Variants in MS4A8 observed in about 807,000 individuals in gnomAD.
MS4A8 encodes membrane-spanning 4-domains subfamily A member 8.
A neutral mutation model predicts 23.7 loss-of-function variants in MS4A8; 27 were observed. The ratio of observed to expected loss-of-function variants is 1.14; its 90% CI spans 0.84 to 1.57. The LOEUF is 1.57. MS4A8 is among the 40% of genes most tolerant of loss of function. MS4A8 has a pLI of 0.00. For synonymous variants in MS4A8, 138 were observed against 126.3 expected (o/e 1.09, Z -0.62); for missense variants, 301 against 311.4 (o/e 0.97, Z 0.25).
intron 2 of MS4A8, 49 bp from the exon 3 acceptor site, chr11:60,703,329 C>A: frequency 6.7e-7 from 1 of 1,482,182 alleles, no homozygotes; most frequent in Non-Finnish European, 8.9e-7. Flanking sequence ...ATAGGGGAGG[C>A]AGGACCCAGC....
At position 60,700,969 on chromosome 11, in the gene MS4A8, C is replaced by G. The variant is rs1490066290; in HGVS notation, c.109C>G (p.Pro37Ala). 6.2e-7 allele frequency: 1 copy of G among 1,614,090 alleles called. No individual in the cohort carries two copies. Among genetic ancestry groups the G allele is most frequent in the Non-Finnish European group, 8.5e-7 (1 of 1,180,044 alleles). The stretch of plus-strand genomic sequence containing the variant: ...AATTATGTCTCACGTGCCCCTGTAT[C>G]CAAACAGCCAGCCGCAAGTCCACCT... ...PGIMSHVPLY[P>A]NSQPQVHLVP... Residue 37 changes from proline (P) to alanine (A), a missense_variant, in exon 2 of 7, where the codon CCA (proline) becomes GCA (alanine). Coordinates refer to ENST00000300226, the MANE Select transcript of MS4A8 (RefSeq NM_031457.2).
Position 60,713,403 on chromosome 11 carries a change from G to A in MS4A8, c.535-1618G>A, listed in dbSNP as rs546227011. On this transcript the variant is annotated intron_variant, in intron 5 of 6. Coordinates refer to ENST00000300226, the MANE Select transcript of MS4A8 (RefSeq NM_031457.2). ...GGGCATGGGTAATAGGATAATAGTGGAGAGAAGGTCAGAAGGTAAACACGT... is the reference window on the plus strand; with the variant it reads ...GGGCATGGGTAATAGGATAATAGTGAAGAGAAGGTCAGAAGGTAAACACGT... Among the ~76,000 whole-genome samples, 3 of 152,188 alleles carry A rather than the reference G, an allele frequency of 2.0e-5. No individual in the cohort carries two copies. In the East Asian group the frequency reaches 5.8e-4, roughly 29 times the overall value.
chr11:60,702,559 T>C (rs1281992050), intron 2 of MS4A8, among the ~76,000 whole-genome samples: 1 of 152,194 alleles, frequency 6.6e-6, no homozygotes, highest in Non-Finnish European at 1.5e-5. Flanking sequence ...CCCACCATCA[T>C]GCCGAGCTAG....
chr11:60,710,702 T>C (rs945164107), intron 5 of MS4A8, among the ~76,000 whole-genome samples: 7 of 152,168 alleles, frequency 4.6e-5, no homozygotes, highest in African/African-American at 1.7e-4. Context: ...ACTTCTCTGC[T>C]GGCATCTTAC....
chr11:60,708,690 G>T lies in MS4A8; in HGVS notation c.443G>T (p.Cys148Phe). The T allele has an allele frequency of 1.3e-6, 2 of 1,596,086 alleles. No homozygotes were observed. Among genetic ancestry groups the T allele is most frequent in the Non-Finnish European group, 1.7e-6 (2 of 1,172,392 alleles). ...SLGLNIVSAI[C>F]SAVGVILFIT... ...GGCTTGAACATCGTCAGTGCAATCT[G>T]CTCTGCAGTTGGAGTCATACTCTTC... Residue 148 changes from cysteine to phenylalanine, a missense_variant, in exon 5 of 7, where the codon TGC becomes TTC. By Grantham distance (205) the Cys-to-Phe change is radical (BLOSUM62 -2). Transcript: ENST00000300226.
At chr11:60,701,125 T>C in intron 2 of MS4A8, 46 bp downstream of exon 2, 1 of 1,559,224 alleles carries the variant, frequency 6.4e-7, no homozygotes, top group Non-Finnish European at 8.8e-7. Context: ...ACAGCTGGAG[T>C]GATGGCAGGG....
rs1590956858 is a variant in MS4A8 at position 60,715,552 on chromosome 11, C to T, written c.*138C>T. The T allele has an allele frequency of 1.6e-6, 1 of 641,270 alleles. No individual in the cohort carries two copies. Among genetic ancestry groups the T allele is most frequent in the Non-Finnish European group, 2.7e-6 (1 of 367,548 alleles). The allele number at this position is 641,270 out of a possible 1,614,324, so 39.7% of individuals were successfully genotyped here. On this transcript the variant is annotated 3_prime_UTR_variant, in exon 7 of 7. Transcript: ENST00000300226. ...CACTGTTTGTACTCTCACCTTCATT[C>T]TTCAATTCAGTCTAGGAAACCATGC...
Position 60,702,284 on chromosome 11 carries a change from C to A in MS4A8, c.220-1094C>A, listed in dbSNP as rs527416639. Among the ~76,000 whole-genome samples, 10 of 152,330 alleles carry A rather than the reference C, an allele frequency of 6.6e-5. No homozygotes were observed. In the South Asian group the frequency reaches 2.1e-3, roughly 32 times the overall value. Reference sequence around the variant, plus strand: ...AACACAAAGCCTATTTAATAGTGTTCTTGAATATCTAATGTAGTTTACTGA... The same window carrying A: ...AACACAAAGCCTATTTAATAGTGTTATTGAATATCTAATGTAGTTTACTGA... On this transcript the variant is annotated intron_variant, in intron 2 of 6. Transcript: ENST00000300226.
intron 5 of MS4A8, 23 bp downstream of exon 5, chr11:60,708,804 G>C: frequency 1.2e-6 from 2 of 1,613,458 alleles, no homozygotes; most frequent in Non-Finnish European, 1.7e-6. Flanking sequence ...CTCAACCAAA[G>C]ATCCTCTAAG....
intron 5 of MS4A8, among the ~76,000 whole-genome samples, chr11:60,709,469 A>G (rs1023300111): frequency 6.6e-6 from 1 of 152,222 alleles, no homozygotes; most frequent in African/African-American, 2.4e-5. Flanking sequence ...AAATATTGTC[A>G]TTTCAACATG....
At chr11:60,704,341 A>C (rs1165903280) in intron 3 of MS4A8, among the ~76,000 whole-genome samples, 4 of 151,836 alleles carry the variant, frequency 2.6e-5, no homozygotes, top group Non-Finnish European at 4.4e-5. Context: ...GGCTGGTCTC[A>C]AACTCCTGAC....
chr11:60,701,284 G>A (rs2088202040), intron 2 of MS4A8: 2 of 686,082 alleles, frequency 2.9e-6, no homozygotes, highest in African/African-American at 1.8e-5. Flanking sequence ...TCTGATTTAG[G>A]CATTTTCGGA....
chr11:60,712,518 T>G lies in MS4A8; in HGVS notation c.535-2503T>G, dbSNP rs74588793. 16,592 of 933,486 alleles carry G rather than the reference T, an allele frequency of 0.018. 1,503 individuals are homozygous for G. In the African/African-American group the frequency reaches 0.22, roughly 12 times the overall value. 57.8% of individuals were successfully genotyped at this position (933,486 alleles called of 1,614,324 possible). On this transcript the variant is annotated intron_variant, in intron 5 of 6. Coordinates refer to ENST00000300226, the MANE Select transcript of MS4A8 (RefSeq NM_031457.2). ...TCATAATTGAGATAATTGAGGCCGG[T>G]CACGGTGGCTCACACCTGTAATCCC...
At chr11:60,708,872 C>T in intron 5 of MS4A8, 91 bp downstream of exon 5, 1 of 1,483,126 alleles carries the variant, frequency 6.7e-7, no homozygotes, top group Non-Finnish European at 9.4e-7. Flanking sequence ...CAAGCTACCT[C>T]ACTGAACATG....
intron 5 of MS4A8, chr11:60,712,398 T>G: frequency 1.0e-6 from 1 of 985,246 alleles, no homozygotes; most frequent in African/African-American, 1.7e-5. Context: ...ACTTGCTAAA[T>G]GGAGAGGAAG....
At position 60,708,661 on chromosome 11, in the gene MS4A8, T is replaced by C; in HGVS notation, c.414T>C (p.Ser138=). 6.5e-7 allele frequency: 1 copy of C among 1,539,570 alleles called. No homozygotes were observed. Among genetic ancestry groups the C allele is most frequent in the Non-Finnish European group, 8.7e-7 (1 of 1,145,438 alleles). ...QPYSYCLLSG[S]LGLNIVSAIC... The stretch of plus-strand genomic sequence containing the variant: ...TGTGTCTTCTTCAGCTGTCTGGCAG[T>C]TTGGGCTTGAACATCGTCAGTGCAA... The change falls in exon 5 of 7, where the codon AGT becomes AGC. Residue 138 remains serine, a synonymous_variant. Transcript: ENST00000300226.
chr11:60,704,412 C>T (rs2088235082), intron 3 of MS4A8, among the ~76,000 whole-genome samples: 1 of 152,122 alleles, frequency 6.6e-6, no homozygotes, highest in Admixed American at 6.5e-5. Flanking sequence ...TGAGCCACCA[C>T]ACCCGGCCAA....
intron 5 of MS4A8, chr11:60,712,309 C>T: frequency 1.0e-6 from 1 of 984,866 alleles, no homozygotes; most frequent in Non-Finnish European, 1.2e-6. Flanking sequence ...TAATTATCAT[C>T]TGCATCTGTT....
intron 2 of MS4A8, chr11:60,702,892 C>T (rs960931668): frequency 6.6e-5 from 10 of 152,148 alleles, no homozygotes; most frequent in African/African-American, 2.4e-4. Flanking sequence ...TAATTTAACA[C>T]ATAACAATAT....
Sources: allele counts gnomAD v4.1 joint callset (sites outside exome capture counted in the v4.1 genomes callset), GRCh38; gene constraint gnomAD v4.1.1; transcripts MANE v1.5; gene names NCBI Gene and HGNC (gene_info 2026-07-23, HGNC 2026-07-21).